TBC1D16: variants seen among roughly 807,000 people sequenced by gnomAD.
TBC1D16 encodes TBC1 domain family member 16.
TBC1D16 carries 58 observed loss-of-function variants against 74.7 expected under a neutral mutation model. The ratio of observed to expected loss-of-function variants is 0.78; its 90% confidence interval spans 0.63 to 0.97. TBC1D16 has a LOEUF of 0.97. Ranked by LOEUF, TBC1D16 falls within the 50% of genes least tolerant of loss-of-function variation. The pLI, the probability that TBC1D16 is intolerant of heterozygous loss-of-function variation, is 0.00. For synonymous variants in TBC1D16, 493 were observed against 474.7 expected, an observed-to-expected ratio of 1.04 and a Z score of -0.50; for missense variants, 1,014 against 1,079.5, an observed-to-expected ratio of 0.94 and a Z score of 0.85.
rs894871 is a variant in TBC1D16 at position 79,937,133 on chromosome 17, A to G, written c.*3726T>C. On this transcript the variant is annotated 3_prime_UTR_variant, in exon 12 of 12. Transcript: ENST00000310924. ...CCCCCACCCCGCAAGGGAAAGGGGA[A>G]GCTGCACGAGGAGCAAGATTTCATT... is the stretch of plus-strand genomic sequence containing the variant. 46,118 of 151,964 alleles carry G rather than the reference A, an allele frequency of 0.3. 7,277 individuals carry two copies. Among genetic ancestry groups the G allele is most frequent in the East Asian group, 0.41 (2,113 of 5,120 alleles). 9.4% of individuals were successfully genotyped at this position (151,964 alleles called of 1,614,324 possible).
rs112997752 is a variant in TBC1D16 at position 79,975,278 on chromosome 17, G to A, written c.780-22460C>T. 1.7e-3 allele frequency among the ~76,000 whole-genome samples: 266 copies of A among 152,324 alleles called. 1 individual carries two copies. Among genetic ancestry groups the A allele is most frequent in the African/African-American group, 6.3e-3 (263 of 41,558 alleles). Reference sequence around the variant, plus strand: ...ATTCAAGGAAGAACAAAACAAACCCGATCTCCTGTAATCTACCTGGATTGG... The same window carrying A: ...ATTCAAGGAAGAACAAAACAAACCCAATCTCCTGTAATCTACCTGGATTGG... On this transcript the variant is annotated intron_variant, in intron 3 of 11. Coordinates refer to ENST00000310924, the MANE Select transcript of TBC1D16 (RefSeq NM_019020.4). The surrounding 1 kb of genome is among the most constrained non-coding windows in gnomAD (Gnocchi z 4.5).
intron 8 of TBC1D16, among the ~76,000 whole-genome samples, chr17:79,948,610 A>T (rs909364654): frequency 6.6e-6 from 1 of 152,182 alleles, no homozygotes; most frequent in Non-Finnish European, 1.5e-5. Context: ...GTGTGAGCCA[A>T]GCAAGGACAG....
rs2032926087 is a variant in TBC1D16, at chr17:79,950,145, C to G, written c.1257+266G>C. Among the ~76,000 whole-genome samples, 1 of 152,136 alleles carries G rather than the reference C, an allele frequency of 6.6e-6. No homozygotes were observed. Among genetic ancestry groups the G allele is most frequent in the Non-Finnish European group, 1.5e-5 (1 of 68,022 alleles). On this transcript the variant is annotated intron_variant, in intron 6 of 11. Transcript: ENST00000310924. This position sits in a 1 kb window ranked among gnomAD's most constrained non-coding sequence, Gnocchi z 4.6. ...CTGGTTTTGGAAATGCTGCATTTCA[C>G]TGCAAACCCTTCTATGCAGGCTGAC...
intron 1 of TBC1D16, chr17:80,026,055 G>A (rs1242188072): frequency 1.3e-5 from 2 of 150,172 alleles, no homozygotes; most frequent in East Asian, 1.9e-4. Context: ...AGAAGCAACC[G>A]AGATGTTCTC....
rs2144299612 is a variant in TBC1D16, at chr17:79,981,761, C to T, written c.779+28399G>A. 6.6e-6 allele frequency among the ~76,000 whole-genome samples: 1 copy of T among 152,380 alleles called. No individual in the cohort carries two copies. Among genetic ancestry groups the T allele is most frequent in the East Asian group, 1.9e-4 (1 of 5,186 alleles). The stretch of plus-strand genomic sequence containing the variant: ...CTTCTGTAATCTCAGCAAGAACGTG[C>T]TCACTGCACATAACGCTGAACCTGC... On this transcript the variant is annotated intron_variant, in intron 3 of 11. Transcript: ENST00000310924. This position sits in a 1 kb window ranked among gnomAD's most constrained non-coding sequence, Gnocchi z 6.9.
rs550099408 is a variant in TBC1D16 at position 79,994,034 on chromosome 17, T to G, written c.779+16126A>C. Among the ~76,000 whole-genome samples, 415 of 152,296 alleles carry G rather than the reference T, an allele frequency of 2.7e-3. No individual in the cohort carries two copies. The highest frequency in any genetic ancestry group is 3.8e-3 in the Non-Finnish European group (259 of 68,018). On this transcript the variant is annotated intron_variant, in intron 3 of 11. Transcript: ENST00000310924. The surrounding 1 kb of genome is among the most constrained non-coding windows in gnomAD (Gnocchi z 4.6). ...GGGAGCGCCCATCCCTGGGGAGCAC[T>G]GCCTCTCCAGGAGCCTGAACTTCCT...
chr17:79,943,823 C>T, intron 10 of TBC1D16: 1 of 1,342,216 alleles, frequency 7.5e-7, no homozygotes, highest in Non-Finnish European at 9.6e-7. Context: ...TAACATCAGC[C>T]TGAACGTAAA....
At chr17:80,012,414 C>G (rs1002809593) in intron 2 of TBC1D16, among the ~76,000 whole-genome samples, 1 of 152,160 alleles carries the variant, frequency 6.6e-6, no homozygotes, top group Non-Finnish European at 1.5e-5. Context: ...GCCAACCAGC[C>G]GGTGGCTATA....
In TBC1D16 at chr17:80,001,674, T is replaced by A. The variant is rs968362657; in HGVS notation, c.779+8486A>T. On this transcript the variant is annotated intron_variant, in intron 3 of 11. Transcript: ENST00000310924. This position sits in a 1 kb window ranked among gnomAD's most constrained non-coding sequence, Gnocchi z 5.8. ...CCTCCGAGGTCTCTCTGGGACCCAGTTGTCCCTCCCCTGGGTGGCGGCAGC... is the reference window on the plus strand; with the variant it reads ...CCTCCGAGGTCTCTCTGGGACCCAGATGTCCCTCCCCTGGGTGGCGGCAGC... Among the ~76,000 whole-genome samples, 1 of 152,108 alleles carries A rather than the reference T, an allele frequency of 6.6e-6. No individual in the cohort carries two copies. The highest frequency in any genetic ancestry group is 1.5e-5 in the Non-Finnish European group (1 of 67,998).
chr17:80,013,244 G>T, intron 2 of TBC1D16, 123 bp downstream of exon 2: 1 of 958,468 alleles, frequency 1.0e-6, no homozygotes, highest in Non-Finnish European at 1.5e-6. Flanking sequence ...GCTGCTGTTA[G>T]TTACACGTTC....
intron 2 of TBC1D16, among the ~76,000 whole-genome samples, chr17:80,011,432 C>A: frequency 6.6e-6 from 1 of 152,138 alleles, no homozygotes; most frequent in East Asian, 1.9e-4. Flanking sequence ...TGCCTGCAGC[C>A]TCCCTGTCTG....
Position 79,944,546 on chromosome 17 carries a change from C to T in TBC1D16, c.1908+362G>A, listed in dbSNP as rs1042350710. Among the ~76,000 whole-genome samples the T allele has an allele frequency of 2.6e-5, 4 of 152,118 alleles. No homozygotes were observed. Among genetic ancestry groups the T allele is most frequent in the East Asian group, 1.9e-4 (1 of 5,186 alleles). On this transcript the variant is annotated intron_variant, in intron 10 of 11. Transcript: ENST00000310924. This position sits in a 1 kb window ranked among gnomAD's most constrained non-coding sequence, Gnocchi z 7.7. ...GTCGGCCCTCGTGGCAGGGCGGTCCCGAGGGGGTGGAGCGGTGCTGGCTCA... is the reference window on the plus strand; with the variant it reads ...GTCGGCCCTCGTGGCAGGGCGGTCCTGAGGGGGTGGAGCGGTGCTGGCTCA...
chr17:80,008,634 G>C lies in TBC1D16; in HGVS notation c.779+1526C>G, dbSNP rs1355719521. 1.3e-5 allele frequency among the ~76,000 whole-genome samples: 2 copies of C among 152,108 alleles called. No individual in the cohort carries two copies. The highest frequency in any genetic ancestry group is 2.4e-5 in the African/African-American group (1 of 41,418). ...GGGACCCAGGCCAGGACCAGAGTTCGGGCCCCGCCTCCCCCACACCTCCTC... is the reference window on the plus strand; with the variant it reads ...GGGACCCAGGCCAGGACCAGAGTTCCGGCCCCGCCTCCCCCACACCTCCTC... On this transcript the variant is annotated intron_variant, in intron 3 of 11. Coordinates refer to ENST00000310924, the MANE Select transcript of TBC1D16 (RefSeq NM_019020.4). The surrounding 1 kb of genome is among the most constrained non-coding windows in gnomAD (Gnocchi z 4.5).
chr17:79,942,331 G>T, intron 10 of TBC1D16, 125 bp from the exon 11 acceptor site: 1 of 1,099,632 alleles, frequency 9.1e-7, no homozygotes, highest in Non-Finnish European at 1.3e-6. Context: ...TCACAGCCCA[G>T]CTCGGGGGCC....
intron 10 of TBC1D16, chr17:79,943,947 CG>C (rs1162464507): frequency 3.2e-5 from 47 of 1,481,418 alleles, no homozygotes; most frequent in Non-Finnish European, 3.9e-5. Flanking sequence ...TGCTTCCCTT[CG>C]TTAATGCAGA....
At chr17:79,978,282 G>T (rs909438544) in intron 3 of TBC1D16, among the ~76,000 whole-genome samples, 2 of 152,272 alleles carry the variant, frequency 1.3e-5, no homozygotes, top group African/African-American at 2.4e-5. Context: ...TGGGAAGGCA[G>T]GGTCTCCGCT....
chr17:79,974,263 G>A (rs1262177830), intron 3 of TBC1D16, among the ~76,000 whole-genome samples: 3 of 151,654 alleles, frequency 2.0e-5, no homozygotes, highest in East Asian at 1.9e-4. Context: ...TTTTTGAGAC[G>A]GAGTCTCATC....
rs1167858694 is a variant in TBC1D16 at position 79,961,943 on chromosome 17, T to A, written c.780-9125A>T. On this transcript the variant is annotated intron_variant, in intron 3 of 11. Transcript: ENST00000310924. This position sits in a 1 kb window ranked among gnomAD's most constrained non-coding sequence, Gnocchi z 4.8. ...CAGGGTTTATCAACAGCCAATGCAGTAATGAATCGTGGTCTGTACATACCA... is the reference window on the plus strand; with the variant it reads ...CAGGGTTTATCAACAGCCAATGCAGAAATGAATCGTGGTCTGTACATACCA... 1.3e-5 allele frequency among the ~76,000 whole-genome samples: 2 copies of A among 152,162 alleles called. No individual in the cohort carries two copies. Among genetic ancestry groups the A allele is most frequent in the Admixed American group, 6.5e-5 (1 of 15,270 alleles).
chr17:79,940,978 G>A lies in TBC1D16; in HGVS notation c.2185C>T (p.His729Tyr). 2 of 1,607,430 alleles carry A rather than the reference G, an allele frequency of 1.2e-6. No homozygotes were observed. The highest frequency in any genetic ancestry group is 2.2e-5 in the East Asian group (1 of 44,560). ...TAGGGACAGCTCTCCGAGCCGGGAT[G>A]GTGGCCGGTGCACTCCACCGCGGGC... ...SMPAVECTGHHPGSESCPYGG... is the reference protein window; with the variant it reads ...SMPAVECTGHYPGSESCPYGG... Residue 729 changes from histidine to tyrosine, a missense_variant, in exon 12 of 12, where the codon CAT becomes TAT. Coordinates refer to ENST00000310924, the MANE Select transcript of TBC1D16 (RefSeq NM_019020.4). This position sits in a 1 kb window ranked among gnomAD's most constrained non-coding sequence, Gnocchi z 5.4.
Sources: allele counts gnomAD v4.1 joint callset (sites outside exome capture counted in the v4.1 genomes callset), GRCh38; gene constraint gnomAD v4.1.1; non-coding constraint Gnocchi (gnomAD v3.1); transcripts MANE v1.5; gene names NCBI Gene and HGNC (gene_info 2026-07-23, HGNC 2026-07-21).